The following RYR2 variants were observed in gnomAD, a reference collection of about 807,000 sequenced individuals.
The protein encoded by RYR2 is ryanodine receptor 2, also known as cardiac muscle ryanodine receptor-calcium release channel.
A neutral mutation model predicts 601.1 loss-of-function variants in RYR2; 227 were observed. The observed-to-expected ratio is 0.38, with a 90% confidence interval of 0.34 to 0.42. The LOEUF is 0.42. Among genes scored for constraint, RYR2 ranks in the 10% least tolerant of loss-of-function variants. The pLI is 1.00. For synonymous variants in RYR2, 2,223 were observed against 2,175.1 expected, an observed-to-expected ratio of 1.02 and a Z score of -0.61; for missense variants, 4,646 against 6,156.5, an observed-to-expected ratio of 0.75 and a Z score of 8.21.
At chr1:237,654,999 A>G (rs1018110990) in intron 52 of RYR2, among the ~76,000 whole-genome samples, 1 of 152,224 alleles carries the variant, frequency 6.6e-6, no homozygotes, top group African/African-American at 2.4e-5. Context: ...TCCTTAAATT[A>G]ATCAAAATTA....
chr1:237,488,692 C>G (rs1274439968), intron 17 of RYR2, among the ~76,000 whole-genome samples: 1 of 152,150 alleles, frequency 6.6e-6, no homozygotes, highest in South Asian at 2.1e-4. Context: ...TATTCTCCCC[C>G]ACCCTTAAGA....
intron 10 of RYR2, among the ~76,000 whole-genome samples, chr1:237,393,975 A>G (rs575326978): frequency 9.8e-5 from 15 of 152,360 alleles, no homozygotes; most frequent in African/African-American, 3.6e-4. Context: ...AAAAATGAAA[A>G]ACAATGAGAC....
chr1:237,638,513 G>T, intron 45 of RYR2, 21 bp downstream of exon 45: 2 of 1,612,104 alleles, frequency 1.2e-6, no homozygotes, highest in Non-Finnish European at 1.7e-6. Flanking sequence ...ATTTCTTGAG[G>T]TCTTTTGAGT....
chr1:237,774,048 A>G (rs1160057810), intron 87 of RYR2, among the ~76,000 whole-genome samples: 2 of 152,246 alleles, frequency 1.3e-5, no homozygotes, highest in African/African-American at 2.4e-5. Context: ...TCGCATATGT[A>G]TATTATAGAT....
At chr1:237,608,639 G>C (rs1677423586) in intron 35 of RYR2, among the ~76,000 whole-genome samples, 1 of 152,086 alleles carries the variant, frequency 6.6e-6, no homozygotes, top group Admixed American at 6.5e-5. Context: ...AGACATGGAG[G>C]CTGCTGTGAG....
At chr1:237,341,054 C>T (rs144323668) in intron 3 of RYR2, among the ~76,000 whole-genome samples, 2,065 of 152,270 alleles carry the variant, frequency 0.014, 50 homozygotes, top group African/African-American at 0.047. Flanking sequence ...TGTCATCAAA[C>T]TCAATAAAGA....
At chr1:237,372,411 G>A (rs1187683100) in intron 6 of RYR2, among the ~76,000 whole-genome samples, 1 of 152,192 alleles carries the variant, frequency 6.6e-6, no homozygotes, top group African/African-American at 2.4e-5. Context: ...TATTGTAATT[G>A]TGAAATGCTG....
At chr1:237,493,546 G>A (rs1331863172) in intron 19 of RYR2, among the ~76,000 whole-genome samples, 5 of 152,056 alleles carry the variant, frequency 3.3e-5, no homozygotes, top group Non-Finnish European at 5.9e-5. Context: ...TCCACCTCCC[G>A]GGTTCAGGCC....
Position 237,458,855 on chromosome 1 carries a change from C to T in RYR2, c.1612+2120C>T, listed in dbSNP as rs543985551. 8.5e-5 allele frequency among the ~76,000 whole-genome samples: 13 copies of T among 152,186 alleles called. No homozygotes were observed. The South Asian group carries it at 2.5e-3, about 29-fold the overall frequency. ...AAAATTTATAGAGTCATAATACAACCTAGCAAATAAAACTCTTGTGCCTAT... is the reference window on the plus strand; with the variant it reads ...AAAATTTATAGAGTCATAATACAACTTAGCAAATAAAACTCTTGTGCCTAT... On this transcript the variant is annotated intron_variant, in intron 16 of 104. Transcript: ENST00000366574.
chr1:237,701,848 G>T (rs372682695), intron 65 of RYR2, 130 bp from the exon 66 acceptor site: 1 of 561,840 alleles, frequency 1.8e-6, no homozygotes, highest in Non-Finnish European at 3.2e-6. Context: ...TGCTGCAAAA[G>T]ACATGATTTC....
chr1:237,161,348 A>ATT (rs199939569), intron 1 of RYR2, among the ~76,000 whole-genome samples: 3 of 91,044 alleles, frequency 3.3e-5, no homozygotes, highest in Admixed American at 1.1e-4. Context: ...TGTCAAGAAA[A>ATT]TTTTGGGGGA....
chr1:237,663,959 G>A (rs1684049315), intron 56 of RYR2, among the ~76,000 whole-genome samples: 1 of 152,190 alleles, frequency 6.6e-6, no homozygotes. Flanking sequence ...GAAGCTGATT[G>A]GAGAGGGGTT....
intron 25 of RYR2, among the ~76,000 whole-genome samples, chr1:237,534,227 A>T (rs1668394551): frequency 6.6e-6 from 1 of 152,094 alleles, no homozygotes; most frequent in Non-Finnish European, 1.5e-5. Flanking sequence ...TAATATTAAG[A>T]AAAGAAGGCC....
intron 62 of RYR2, among the ~76,000 whole-genome samples, chr1:237,683,997 G>A (rs1000767435): frequency 4.6e-5 from 7 of 151,814 alleles, no homozygotes; most frequent in Non-Finnish European, 1.0e-4. Context: ...GCATGATCTC[G>A]GCTCACTGCA....
intron 1 of RYR2, among the ~76,000 whole-genome samples, chr1:237,227,976 T>G (rs76961396): frequency 1.2e-5 from 1 of 82,894 alleles, no homozygotes; most frequent in Admixed American, 1.6e-4. Context: ...CTTTTTTTTT[T>G]TATTTTTGAT....
intron 23 of RYR2, among the ~76,000 whole-genome samples, chr1:237,508,197 G>T (rs1040985854): frequency 2.0e-5 from 3 of 152,086 alleles, no homozygotes; most frequent in African/African-American, 7.2e-5. Context: ...CTGACCTCAG[G>T]TGATCTGCCC....
intron 100 of RYR2, among the ~76,000 whole-genome samples, chr1:237,811,247 A>T (rs2149453497): frequency 6.6e-6 from 1 of 152,274 alleles, no homozygotes; most frequent in South Asian, 2.1e-4. Context: ...GACCTGAGGG[A>T]ATTAAAGGAC....
intron 4 of RYR2, among the ~76,000 whole-genome samples, chr1:237,357,445 T>C (rs917075878): frequency 1.2e-4 from 18 of 152,178 alleles, no homozygotes; most frequent in African/African-American, 3.9e-4. Flanking sequence ...CATATCTGGA[T>C]TGGTATTGAC....
intron 12 of RYR2, among the ~76,000 whole-genome samples, chr1:237,436,816 T>C (rs976611309): frequency 4.0e-5 from 6 of 150,478 alleles, no homozygotes; most frequent in African/African-American, 1.5e-4. Flanking sequence ...TGCTCTGTAT[T>C]ATAAGAAATA....
Sources: allele counts gnomAD v4.1 joint callset (sites outside exome capture counted in the v4.1 genomes callset), GRCh38; gene constraint gnomAD v4.1.1; transcripts MANE v1.5; gene names NCBI Gene and HGNC (gene_info 2026-07-23, HGNC 2026-07-21).